WDR7: variants seen among roughly 807,000 people sequenced by gnomAD.
The protein encoded by WDR7 is WD repeat domain 7, also known as WD repeat-containing protein 7.
WDR7 carries 46 observed loss-of-function variants against 169.4 expected under a neutral mutation model. That is an observed-to-expected ratio of 0.27 (90% CI 0.21 to 0.35). The LOEUF (loss-of-function observed/expected upper bound fraction) is 0.35. Ranked by LOEUF, WDR7 falls within the 10% of genes least tolerant of loss-of-function variation. The pLI is 1.00. For missense variants in WDR7, 1,534 were observed against 1,859.3 expected (o/e 0.83, Z 3.22); for synonymous variants, 612 against 666.8 (o/e 0.92, Z 1.27).
At chr18:56,946,665 GTTATGTATGTGTGTGTATGTA>G (rs1268442651) in intron 25 of WDR7, among the ~76,000 whole-genome samples, 1 of 151,680 alleles carries the variant, frequency 6.6e-6, no homozygotes, top group Admixed American at 6.6e-5. Context: ...AGTCCTTTAT[GTTATGTATGTGTGTGTATGTA>G]TTATGTATGT....
intron 20 of WDR7, among the ~76,000 whole-genome samples, chr18:56,846,716 C>T (rs940008724): frequency 2.0e-5 from 3 of 152,116 alleles, no homozygotes; most frequent in African/African-American, 7.2e-5. Context: ...CCTTTTTCTT[C>T]TCTCTCTTGC....
At chr18:56,771,858 G>A (rs575228439) in intron 16 of WDR7, among the ~76,000 whole-genome samples, 71 of 151,528 alleles carry the variant, frequency 4.7e-4, no homozygotes, top group Non-Finnish European at 8.7e-4. Context: ...CTCCAGCCTG[G>A]GCAACAAGAG....
intron 20 of WDR7, among the ~76,000 whole-genome samples, chr18:56,831,084 AG>A (rs2045300592): frequency 6.6e-6 from 1 of 152,136 alleles, no homozygotes; most frequent in South Asian, 2.1e-4. Flanking sequence ...AGCCTGGGAG[AG>A]TCCCTGTAGG....
chr18:56,781,796 A>G, intron 19 of WDR7, 140 bp downstream of exon 19: 1 of 982,960 alleles, frequency 1.0e-6, no homozygotes. Flanking sequence ...CCTCAAATTC[A>G]CTTTATTATT....
chr18:56,781,554 C>T lies in WDR7; in HGVS notation c.3088C>T (p.Leu1030=), dbSNP rs749834358. The T allele has an allele frequency of 1.9e-6, 3 of 1,610,468 alleles. No individual in the cohort carries two copies. Among genetic ancestry groups the T allele is most frequent in the East Asian group, 2.2e-5 (1 of 44,556 alleles). ...TTAGGTGAGAGAAGCCGCGCAGGCC[C>T]TGCTTCTGGCGGAACTGAGAAGAAT... The part of the protein sequence containing the change: ...CLEVREAAQA[L]LLAELRRIEQ... Residue 1030 remains leucine (L), a synonymous_variant, in exon 19 of 28, where the codon CTG becomes TTG. Transcript: ENST00000254442.
chr18:56,873,192 A>G (rs2045976403), intron 20 of WDR7, among the ~76,000 whole-genome samples: 1 of 152,168 alleles, frequency 6.6e-6, no homozygotes, highest in African/African-American at 2.4e-5. Flanking sequence ...AAAATTACAT[A>G]CTGTAGAATT....
chr18:56,969,164 C>A (rs917306098), intron 26 of WDR7, among the ~76,000 whole-genome samples: 3 of 152,192 alleles, frequency 2.0e-5, no homozygotes, highest in South Asian at 4.1e-4. Flanking sequence ...TTTCTACCAG[C>A]ATCCTTTCTA....
intron 26 of WDR7, among the ~76,000 whole-genome samples, chr18:57,011,642 T>TCAGCCC (rs1220420864): frequency 6.6e-6 from 1 of 152,222 alleles, no homozygotes; most frequent in East Asian, 1.9e-4. Context: ...AAGCATTGCC[T>TCAGCCC]CAGCCCTCCA....
intron 13 of WDR7, 40 bp downstream of exon 13, chr18:56,718,199 G>T: frequency 7.1e-7 from 1 of 1,414,250 alleles, no homozygotes; most frequent in Non-Finnish European, 9.3e-7. Flanking sequence ...AAAATTAAAT[G>T]GGTGTATTTC....
At chr18:56,792,459 A>G (rs1010635759) in intron 19 of WDR7, among the ~76,000 whole-genome samples, 1 of 152,136 alleles carries the variant, frequency 6.6e-6, no homozygotes, top group African/African-American at 2.4e-5. Context: ...ACTAATCTTA[A>G]CTACATCATA....
At chr18:56,773,939 G>A (rs1468630786) in intron 16 of WDR7, among the ~76,000 whole-genome samples, 1 of 150,092 alleles carries the variant, frequency 6.7e-6, no homozygotes. Context: ...CCATAACATC[G>A]TGATTACCAT....
chr18:56,790,524 A>G (rs1318974770), intron 19 of WDR7, among the ~76,000 whole-genome samples: 1 of 152,094 alleles, frequency 6.6e-6, no homozygotes, highest in African/African-American at 2.4e-5. Flanking sequence ...TTTTACCTGT[A>G]ATATTTTTAT....
At chr18:56,916,603 A>G (rs981557876) in intron 21 of WDR7, among the ~76,000 whole-genome samples, 5 of 152,198 alleles carry the variant, frequency 3.3e-5, no homozygotes, top group African/African-American at 1.2e-4. Context: ...ATCCTTAATT[A>G]TCTTGTGCCA....
rs77955550 is a variant in WDR7 at position 56,741,137 on chromosome 18, C to G, written c.1989+9540C>G. 6.6e-5 allele frequency among the ~76,000 whole-genome samples: 10 copies of G among 152,090 alleles called. No individual in the cohort carries two copies. In the South Asian group the frequency reaches 2.1e-3, roughly 32 times the overall value. ...CAATAGGGCCCTTGAGCTATGAATGCTTTTTATATTTTAAAAATATTATTA... is the reference window on the plus strand; with the variant it reads ...CAATAGGGCCCTTGAGCTATGAATGGTTTTTATATTTTAAAAATATTATTA... On this transcript the variant is annotated intron_variant, in intron 14 of 27. Coordinates refer to ENST00000254442, the MANE Select transcript of WDR7 (RefSeq NM_015285.3).
chr18:56,915,923 T>A (rs2046618024), intron 21 of WDR7, among the ~76,000 whole-genome samples: 1 of 152,170 alleles, frequency 6.6e-6, no homozygotes, highest in Non-Finnish European at 1.5e-5. Flanking sequence ...TCTCCCCTCC[T>A]CCTTTCTGTG....
intron 21 of WDR7, among the ~76,000 whole-genome samples, chr18:56,897,097 G>T (rs2046341980): frequency 6.6e-6 from 1 of 151,790 alleles, no homozygotes; most frequent in African/African-American, 2.4e-5. Flanking sequence ...CAAATTAAAA[G>T]CACAATGTAC....
At chr18:56,843,594 G>T (rs914786202) in intron 20 of WDR7, among the ~76,000 whole-genome samples, 2 of 152,062 alleles carry the variant, frequency 1.3e-5, no homozygotes, top group South Asian at 2.1e-4. Flanking sequence ...CAGACACTTG[G>T]GTTTCTTCTA....
rs2048390507 is a variant in WDR7 at position 57,027,911 on chromosome 18, A to G, written c.*704A>G. The stretch of plus-strand genomic sequence containing the variant: ...GAAGTGCTCATCTCTTGCTTAAATG[A>G]TAGTCTATTTAGTAGTTTAAAATAA... On this transcript the variant is annotated 3_prime_UTR_variant, in exon 28 of 28. Coordinates refer to ENST00000254442, the MANE Select transcript of WDR7 (RefSeq NM_015285.3). 1 of 152,246 alleles carries G rather than the reference A, an allele frequency of 6.6e-6. No homozygotes were observed. The highest frequency in any genetic ancestry group is 2.4e-5 in the African/African-American group (1 of 41,440). 9.4% of individuals were successfully genotyped at this position (152,246 alleles called of 1,614,324 possible). A position where few individuals can be genotyped will look rare whatever the true frequency, so the allele number is the denominator to read the frequency against.
At chr18:56,700,716 C>A (rs2025815013) in intron 12 of WDR7, among the ~76,000 whole-genome samples, 2 of 149,808 alleles carry the variant, frequency 1.3e-5, no homozygotes, top group Non-Finnish European at 3.0e-5. Context: ...ACTACAGGCG[C>A]CCGCTACCAC....
Sources: gnomAD v4.1 joint callset for allele counts (sites outside exome capture counted in the v4.1 genomes callset) on GRCh38, gnomAD v4.1.1 for gene constraint, MANE v1.5 for transcripts, NCBI Gene and HGNC (gene_info 2026-07-23, HGNC 2026-07-21) for gene names.